USH1C: variants seen among roughly 807,000 people sequenced by gnomAD.
The protein encoded by USH1C is USH1 protein network component harmonin, also known as harmonin.
USH1C carries 90 observed loss-of-function variants against 119.3 expected under a neutral mutation model. That is an observed-to-expected ratio of 0.75 (90% CI 0.64 to 0.90). The LOEUF (loss-of-function observed/expected upper bound fraction) is 0.90, where lower values mean the gene tolerates loss of function less well. Among genes scored for constraint, USH1C ranks in the 40% least tolerant of loss-of-function variants. USH1C has a pLI of 0.00. For missense variants in USH1C, 1,165 were observed against 1,167.7 expected (o/e 1.00, Z 0.03); for synonymous variants, 465 against 443.3 (o/e 1.05, Z -0.62).
intron 26 of USH1C, 37 bp from the exon 27 acceptor site, chr11:17,494,413 C>T: frequency 6.3e-7 from 1 of 1,576,822 alleles, no homozygotes. Context: ...TGGATACAGG[C>T]TTTGTGGGTG....
intron 26 of USH1C, chr11:17,495,231 A>C: frequency 2.7e-6 from 1 of 376,486 alleles, no homozygotes; most frequent in Non-Finnish European, 5.1e-6. Flanking sequence ...GGTTCGAGGC[A>C]TTGTCTGTGT....
intron 18 of USH1C, among the ~76,000 whole-genome samples, chr11:17,507,300 C>T (rs960658408): frequency 2.0e-5 from 3 of 152,208 alleles, no homozygotes; most frequent in South Asian, 4.1e-4. Flanking sequence ...GCTTTGATGT[C>T]GCTTGTGACA....
At chr11:17,528,787 G>T (rs1850829622) in intron 4 of USH1C, among the ~76,000 whole-genome samples, 1 of 152,228 alleles carries the variant, frequency 6.6e-6, no homozygotes, top group African/African-American at 2.4e-5. Context: ...GTGGCCAAGG[G>T]CTCAAAATGG....
chr11:17,541,550 A>C (rs1851466481), intron 1 of USH1C, among the ~76,000 whole-genome samples: 1 of 152,236 alleles, frequency 6.6e-6, no homozygotes, highest in South Asian at 2.1e-4. Context: ...CCAATGAGTA[A>C]CCAAGTTCCT....
chr11:17,528,310 GC>G (rs1027616981), intron 4 of USH1C, among the ~76,000 whole-genome samples: 22 of 152,196 alleles, frequency 1.4e-4, no homozygotes, highest in African/African-American at 4.8e-4. Context: ...TGGTGAGATT[GC>G]CCCCTGCTGG....
chr11:17,515,239 G>A (rs560435822), intron 15 of USH1C, among the ~76,000 whole-genome samples: 12 of 152,326 alleles, frequency 7.9e-5, no homozygotes, highest in African/African-American at 2.6e-4. Context: ...GACAATGTGT[G>A]AAGGAATTCC....
intron 5 of USH1C, 36 bp from the exon 6 acceptor site, chr11:17,527,076 C>T: frequency 6.7e-7 from 1 of 1,496,370 alleles, no homozygotes. Context: ...GGACAGCTCC[C>T]CCGCCCTCCC....
intron 21 of USH1C, 134 bp from the exon 22 acceptor site, chr11:17,501,669 G>T (rs1398538993): frequency 1.8e-6 from 2 of 1,082,866 alleles, no homozygotes; most frequent in Non-Finnish European, 2.8e-6. Context: ...ACCGTGCCCA[G>T]CCCCACCCCT....
intron 4 of USH1C, 123 bp from the exon 5 acceptor site, chr11:17,527,454 G>A: frequency 9.9e-6 from 8 of 809,202 alleles, no homozygotes; most frequent in Non-Finnish European, 1.7e-5. Context: ...GCCACCCCCT[G>A]GAATAAGCCT....
chr11:17,496,500 C>T (rs1004616436), intron 25 of USH1C, among the ~76,000 whole-genome samples: 4 of 152,176 alleles, frequency 2.6e-5, no homozygotes, highest in Non-Finnish European at 4.4e-5. Context: ...TCTGCTTACC[C>T]GGTCTAAGAC....
At chr11:17,517,575 T>C in intron 14 of USH1C, 1 of 1,152,906 alleles carries the variant, frequency 8.7e-7, no homozygotes, top group Non-Finnish European at 1.3e-6. Context: ...GTAATCAGCT[T>C]CCTCCATGGG....
chr11:17,524,907 G>A (rs746372490), intron 8 of USH1C, among the ~76,000 whole-genome samples: 16 of 151,998 alleles, frequency 1.1e-4, no homozygotes, highest in Non-Finnish European at 4.4e-5. Flanking sequence ...GGAGTGCAGT[G>A]GTGTGATCAT....
chr11:17,519,144 C>T (rs1850299573), intron 14 of USH1C, among the ~76,000 whole-genome samples: 1 of 152,330 alleles, frequency 6.6e-6, no homozygotes, highest in Non-Finnish European at 1.5e-5. Flanking sequence ...GGGCCCAGGC[C>T]TGCTGGACCA....
At chr11:17,537,751 C>T (rs534155937) in intron 1 of USH1C, among the ~76,000 whole-genome samples, 65 of 152,328 alleles carry the variant, frequency 4.3e-4, no homozygotes, top group African/African-American at 1.5e-3. Context: ...GAGTCTCTTT[C>T]TGTCTGGCTC....
intron 4 of USH1C, among the ~76,000 whole-genome samples, chr11:17,528,312 C>A (rs1350593244): frequency 1.3e-5 from 2 of 152,112 alleles, no homozygotes; most frequent in Non-Finnish European, 2.9e-5. Context: ...GTGAGATTGC[C>A]CCCTGCTGGA....
intron 15 of USH1C, among the ~76,000 whole-genome samples, chr11:17,515,578 G>T (rs913022052): frequency 3.3e-5 from 5 of 152,064 alleles, no homozygotes; most frequent in African/African-American, 1.2e-4. Flanking sequence ...AAGTCATCTC[G>T]AATGTCCAAT....
intron 26 of USH1C, chr11:17,494,742 A>G (rs998316201): frequency 2.9e-6 from 1 of 341,788 alleles, no homozygotes; most frequent in Admixed American, 3.9e-5. Context: ...ATGTTTTGGG[A>G]AAGTTGTAAC....
chr11:17,537,005 C>G (rs1565071160), intron 1 of USH1C, among the ~76,000 whole-genome samples: 1 of 152,186 alleles, frequency 6.6e-6, no homozygotes. Context: ...AAGAACAGCA[C>G]TGCTTTGTTC....
At chr11:17,533,121 G>T in intron 2 of USH1C, 134 bp downstream of exon 2, 2 of 770,030 alleles carry the variant, frequency 2.6e-6, no homozygotes, top group Admixed American at 3.6e-5. Context: ...TGAGTGAATG[G>T]TATGTCCATT....
Sources: gnomAD v4.1 joint callset for allele counts (sites outside exome capture counted in the v4.1 genomes callset) on GRCh38, gnomAD v4.1.1 for gene constraint, MANE v1.5 for transcripts, NCBI Gene and HGNC (gene_info 2026-07-23, HGNC 2026-07-21) for gene names.